SMARCAD1: variants seen among roughly 807,000 people sequenced by gnomAD.
The protein encoded by SMARCAD1 is SWI/SNF-related matrix-associated actin-dependent regulator of chromatin subfamily A containing DEAD/H box 1.
Under a neutral mutation model 127.1 loss-of-function variants are expected in SMARCAD1, and 25 were observed. That is an observed-to-expected ratio of 0.20 (90% confidence interval 0.14 to 0.27). The LOEUF is 0.27. Ranked by LOEUF, SMARCAD1 falls within the 10% of genes least tolerant of loss-of-function variation. The pLI, the probability that SMARCAD1 is intolerant of heterozygous loss-of-function variation, is 1.00. For missense variants in SMARCAD1, 807 were observed against 1,206.0 expected, an observed-to-expected ratio of 0.67 and a Z score of 4.90; for synonymous variants, 400 against 396.9, an observed-to-expected ratio of 1.01 and a Z score of -0.09.
At chr4:94,214,587 A>G (rs1461401573) in intron 2 of SMARCAD1, among the ~76,000 whole-genome samples, 3 of 152,094 alleles carry the variant, frequency 2.0e-5, no homozygotes, top group African/African-American at 7.2e-5. Flanking sequence ...AACCAAGGAC[A>G]AGAAGCTAGT....
At position 94,284,941 on chromosome 4, in the gene SMARCAD1, A is replaced by G; in HGVS notation, c.2910-19A>G. The G allele has an allele frequency of 7.1e-7, 1 of 1,409,262 alleles. No homozygotes were observed. Among genetic ancestry groups the G allele is most frequent in the Non-Finnish European group, 1.0e-6 (1 of 993,904 alleles). The allele number at this position is 1,409,262 out of a possible 1,614,324, so 87.3% of individuals were successfully genotyped here. ...ACTATATTTAGTAACCAATGGACAT[A>G]TTTTGTATTTTTTTTTAGAGAAGTA... On this transcript the variant is annotated intron_variant, in intron 22 of 23. Coordinates refer to ENST00000354268, the MANE Select transcript of SMARCAD1 (RefSeq NM_020159.5).
intron 19 of SMARCAD1, among the ~76,000 whole-genome samples, chr4:94,280,113 C>T (rs1187214135): frequency 1.3e-5 from 2 of 152,206 alleles, no homozygotes; most frequent in Non-Finnish European, 2.9e-5. Flanking sequence ...GATTTACCCA[C>T]CTCGGCTTCC....
At chr4:94,279,971 T>C (rs954602722) in intron 19 of SMARCAD1, among the ~76,000 whole-genome samples, 2 of 152,110 alleles carry the variant, frequency 1.3e-5, no homozygotes, top group Admixed American at 6.6e-5. Flanking sequence ...TTCAAGTGAT[T>C]GTCCTGCCTC....
chr4:94,265,011 G>A, intron 10 of SMARCAD1, 105 bp downstream of exon 10: 7 of 1,122,698 alleles, frequency 6.2e-6, no homozygotes, highest in South Asian at 1.4e-5. Flanking sequence ...ACTAGTGGTA[G>A]GAGAGAACCC....
At chr4:94,235,229 C>CTTTTTTTTTTTTTT (rs35123705) in intron 4 of SMARCAD1, among the ~76,000 whole-genome samples, 4 of 39,304 alleles carry the variant, frequency 1.0e-4, no homozygotes, top group African/African-American at 3.0e-4. Flanking sequence ...ACCACCAATC[C>CTTTTTTTTTTTTTT]TTTTTTTTTT....
At chr4:94,222,401 T>C (rs947474005) in intron 2 of SMARCAD1, among the ~76,000 whole-genome samples, 2 of 152,096 alleles carry the variant, frequency 1.3e-5, no homozygotes, top group Non-Finnish European at 2.9e-5. Context: ...GGGTTCTGAA[T>C]TGGAGAAATG....
intron 10 of SMARCAD1, among the ~76,000 whole-genome samples, chr4:94,270,411 A>C (rs571079971): frequency 6.6e-6 from 1 of 152,266 alleles, no homozygotes; most frequent in African/African-American, 2.4e-5. Context: ...TATTATAGAT[A>C]CTAGCTTAGT....
chr4:94,284,592 G>A (rs946401966), intron 22 of SMARCAD1, among the ~76,000 whole-genome samples: 11 of 125,086 alleles, frequency 8.8e-5, no homozygotes, highest in Admixed American at 4.0e-4. Context: ...TTTTTTTTTC[G>A]TTTTTTTTTT....
Position 94,261,229 on chromosome 4 carries a change from A to G in SMARCAD1, c.1282-3478A>G, listed in dbSNP as rs147479801. Reference sequence around the variant, plus strand: ...ATATATCCACTTAGTATAATCTAACATTGGTTTTCTTAATAATGGTTGTGT... The same window carrying G: ...ATATATCCACTTAGTATAATCTAACGTTGGTTTTCTTAATAATGGTTGTGT... On this transcript the variant is annotated intron_variant, in intron 9 of 23. Transcript: ENST00000354268. 5.0e-3 allele frequency among the ~76,000 whole-genome samples: 753 copies of G among 152,114 alleles called. 2 individuals are homozygous for G. Among genetic ancestry groups the G allele is most frequent in the African/African-American group, 0.017 (705 of 41,522 alleles).
At position 94,226,216 on chromosome 4, in the gene SMARCAD1, T is replaced by C; in HGVS notation, c.288T>C (p.Ser96=). 2 of 1,613,038 alleles carry C rather than the reference T, an allele frequency of 1.2e-6. No individual in the cohort carries two copies. The highest frequency in any genetic ancestry group is 1.7e-6 in the Non-Finnish European group (2 of 1,179,148). ...GAATACAGTATATTGATTTGTCTTC[T>C]GATAGTGAAGATGTCGTTTCCCCAA... ...QRGIQYIDLS[S]DSEDVVSPNC... Residue 96 remains serine, a synonymous_variant, in exon 3 of 24, where the codon TCT becomes TCC. Coordinates refer to ENST00000354268, the MANE Select transcript of SMARCAD1 (RefSeq NM_020159.5).
In SMARCAD1 at chr4:94,228,784, A is replaced by AT. The variant is rs199978200; in HGVS notation, c.368+2498dup. 5.9e-3 allele frequency among the ~76,000 whole-genome samples: 881 copies of AT among 150,010 alleles called. 1 individual carries two copies. Among genetic ancestry groups the AT allele is most frequent in the East Asian group, 0.013 (68 of 5,138 alleles). On this transcript the variant is annotated intron_variant, in intron 3 of 23. Transcript: ENST00000354268. Reference sequence around the variant, plus strand: ...ATATTTTCAGTAGTACTTTATGGTAATTTTTTTTTTACAGTGGATTTAGTT... The same window carrying AT: ...ATATTTTCAGTAGTACTTTATGGTAATTTTTTTTTTTACAGTGGATTTAGTT...
intron 5 of SMARCAD1, among the ~76,000 whole-genome samples, chr4:94,239,320 A>G (rs554707301): frequency 1.3e-5 from 2 of 151,904 alleles, no homozygotes; most frequent in Non-Finnish European, 2.9e-5. Context: ...GATCTTTAAC[A>G]GATCCAGAAA....
intron 12 of SMARCAD1, among the ~76,000 whole-genome samples, 182 bp downstream of exon 12, chr4:94,273,898 G>A (rs1200219514): frequency 6.6e-6 from 1 of 152,020 alleles, no homozygotes; most frequent in Non-Finnish European, 1.5e-5. Context: ...TGATTATATT[G>A]GCAGTCTTTT....
Position 94,285,702 on chromosome 4 carries a change from C to G in SMARCAD1, c.3019+633C>G, listed in dbSNP as rs936598948. ...AGAAGTGCGTATGATCAAATAATTA[C>G]TAGTCTTTCTTGCGTAGCATTTATT... On this transcript the variant is annotated intron_variant, in intron 23 of 23. Coordinates refer to ENST00000354268, the MANE Select transcript of SMARCAD1 (RefSeq NM_020159.5). 9.9e-5 allele frequency among the ~76,000 whole-genome samples: 15 copies of G among 152,150 alleles called. No individual in the cohort carries two copies. In the East Asian group the frequency reaches 2.7e-3, roughly 27 times the overall value.
intron 3 of SMARCAD1, among the ~76,000 whole-genome samples, chr4:94,233,733 G>A (rs1479893733): frequency 1.3e-5 from 2 of 152,092 alleles, no homozygotes; most frequent in Non-Finnish European, 2.9e-5. Context: ...TCCCAGCTCA[G>A]GGTTGAGATT....
At chr4:94,277,192 G>A (rs1388451502) in intron 16 of SMARCAD1, 33 bp downstream of exon 16, 1 of 1,610,386 alleles carries the variant, frequency 6.2e-7, no homozygotes, top group South Asian at 1.1e-5. Context: ...TCCCAAATAT[G>A]TTATTTGTGT....
At chr4:94,273,518 G>A (rs1263212792) in intron 11 of SMARCAD1, 99 bp from the exon 12 acceptor site, 1 of 875,882 alleles carries the variant, frequency 1.1e-6, no homozygotes, top group Admixed American at 2.2e-5. Context: ...GAAATCAAAA[G>A]TGAATACAGC....
intron 9 of SMARCAD1, among the ~76,000 whole-genome samples, chr4:94,264,219 T>C (rs1341966007): frequency 6.6e-6 from 1 of 151,916 alleles, no homozygotes; most frequent in African/African-American, 2.4e-5. Flanking sequence ...ATGATAGATG[T>C]GGAAAAATAT....
At chr4:94,284,643 G>A (rs1003980745) in intron 22 of SMARCAD1, among the ~76,000 whole-genome samples, 1 of 149,014 alleles carries the variant, frequency 6.7e-6, no homozygotes, top group African/African-American at 2.5e-5. Context: ...CAGGCTGATC[G>A]GCTGATCTCG....
Sources: allele counts gnomAD v4.1 joint callset (sites outside exome capture counted in the v4.1 genomes callset), GRCh38; gene constraint gnomAD v4.1.1; transcripts MANE v1.5; gene names NCBI Gene and HGNC (gene_info 2026-07-23, HGNC 2026-07-21).